The following PLXND1 variants were observed in gnomAD, a reference collection of about 807,000 sequenced individuals.
PLXND1 encodes the protein plexin D1.
PLXND1 carries 54 observed loss-of-function variants against 197.7 expected under a neutral mutation model. The observed-to-expected ratio is 0.27, with a 90% CI of 0.22 to 0.34. The LOEUF is 0.34. PLXND1 is among the 10% of genes least tolerant of loss of function. The pLI, the probability that PLXND1 is intolerant of heterozygous loss-of-function variation, is 1.00. For synonymous variants in PLXND1, 1,180 were observed against 1,161.2 expected (o/e 1.02, Z -0.33); for missense variants, 2,127 against 2,699.2 (o/e 0.79, Z 4.70).
At chr3:129,602,614 A>G (rs1184680844) in intron 1 of PLXND1, among the ~76,000 whole-genome samples, 1 of 152,176 alleles carries the variant, frequency 6.6e-6, no homozygotes, top group African/African-American at 2.4e-5. Flanking sequence ...CACAATAGGG[A>G]CTTAGTAAAT....
At position 129,606,193 on chromosome 3, in the gene PLXND1, C is replaced by T; in HGVS notation, c.447G>A (p.Gln149=). 6.4e-7 allele frequency: 1 copy of T among 1,562,876 alleles called. No individual in the cohort carries two copies. The highest frequency in any genetic ancestry group is 8.6e-7 in the Non-Finnish European group (1 of 1,160,676). Residue 149 remains glutamine, a synonymous_variant, in exon 1 of 36, where the codon CAG becomes CAA. Coordinates refer to ENST00000324093, the MANE Select transcript of PLXND1 (RefSeq NM_015103.3). ...CCGAGATGTTGCCCCGGCGCCGCAG[C>T]TGGCAGAAGCCCTGGTAGATGGACC... is the stretch of plus-strand genomic sequence containing the variant. The part of the protein sequence containing the change: ...VCGSIYQGFC[Q]LRRRGNISAV...
At chr3:129,605,278 C>CCCGCCCCCG (rs1355890913) in intron 1 of PLXND1, 51 bp downstream of exon 1, 1 of 736,570 alleles carries the variant, frequency 1.4e-6, no homozygotes, top group African/African-American at 1.9e-5. Context: ...CGCCCCCGCC[C>CCCGCCCCCG]CCGCCCCCGC....
chr3:129,570,996 C>G, intron 18 of PLXND1, 44 bp downstream of exon 18: 1 of 1,613,068 alleles, frequency 6.2e-7, no homozygotes, highest in South Asian at 1.1e-5. Context: ...ACAGCTGAGG[C>G]TGGCTCGCTT....
chr3:129,561,979 T>G, intron 27 of PLXND1, 76 bp from the exon 28 acceptor site: 2 of 923,526 alleles, frequency 2.2e-6, no homozygotes, highest in South Asian at 2.6e-5. Context: ...CCCAGCCACA[T>G]AGGGAGAGGC....
chr3:129,570,088 G>C, intron 19 of PLXND1, 131 bp from the exon 20 acceptor site: 1 of 651,222 alleles, frequency 1.5e-6, no homozygotes. Context: ...TGATAACATA[G>C]AGATAACAAT....
intron 1 of PLXND1, among the ~76,000 whole-genome samples, chr3:129,603,337 GCGGACCGTGGGAAC>G (rs1314284199): frequency 1.3e-5 from 2 of 152,238 alleles, no homozygotes; most frequent in African/African-American, 4.8e-5. Flanking sequence ...CACCGAGGGA[GCGGACCGTGGGAAC>G]CAGAATGGTT....
rs565925950 is a variant in PLXND1 at position 129,574,312 on chromosome 3, C to T, written c.2685+24G>A. On this transcript the variant is annotated intron_variant, in intron 12 of 35. Coordinates refer to ENST00000324093, the MANE Select transcript of PLXND1 (RefSeq NM_015103.3). ...GCGCCGTGCCGGAGTGCGGGTGCCA[C>T]GTGCCTCCACTGGGCATGCTTACCG... is the stretch of plus-strand genomic sequence containing the variant. 52 of 1,565,878 alleles carry T rather than the reference C, an allele frequency of 3.3e-5. No individual in the cohort carries two copies. In the East Asian group the frequency reaches 4.5e-4, roughly 14 times the overall value.
At position 129,584,417 on chromosome 3, in the gene PLXND1, C is replaced by T. The variant is rs561859042; in HGVS notation, c.1997G>A (p.Arg666Lys). 11 of 1,613,396 alleles carry T rather than the reference C, an allele frequency of 6.8e-6. No individual in the cohort carries two copies. In the South Asian group the frequency reaches 1.2e-4, roughly 18 times the overall value. The change falls in exon 6 of 36, where the codon AGG becomes AAG. Residue 666 changes from arginine to lysine, a missense_variant. By Grantham distance (26) the Arg-to-Lys change is conservative (BLOSUM62 2). Around this residue, in one of 6 missense-constraint regions of PLXND1, gnomAD observed 1,095 missense variants for 1,259.8 expected, o/e 0.87. Coordinates refer to ENST00000324093, the MANE Select transcript of PLXND1 (RefSeq NM_015103.3). ...GGGGGGGAAGGGCGGAAACTGGTCC[C>T]TCGGCAGGAGGTTGCAGTAGGCAAT... Reference protein sequence around the residue: ...HQIAYCNLLPRDQFPPFPPNQ... With the variant: ...HQIAYCNLLPKDQFPPFPPNQ...
rs2085004627 is a variant in PLXND1 at position 129,558,370 on chromosome 3, G to C, written c.5445+58C>G. The C allele has an allele frequency of 3.2e-6, 5 of 1,541,766 alleles. No individual in the cohort carries two copies. The East Asian group carries it at 1.1e-4, about 35-fold the overall frequency. On this transcript the variant is annotated intron_variant, in intron 33 of 35. Transcript: ENST00000324093. The surrounding 1 kb of genome is among the most constrained non-coding windows in gnomAD (Gnocchi z 4.1). ...CAGAGAGTCGAGGAGGCTACCCATG[G>C]TCGGCACCCCACTCTGGCCCTGTGC...
chr3:129,559,353 C>T (rs1035628149), intron 32 of PLXND1: 18 of 371,714 alleles, frequency 4.8e-5, no homozygotes, highest in Non-Finnish European at 7.7e-5. Flanking sequence ...GAGAGGGGTG[C>T]GGGAGAATGA....
chr3:129,565,000 C>T (rs530723347), intron 25 of PLXND1, among the ~76,000 whole-genome samples: 1 of 152,242 alleles, frequency 6.6e-6, no homozygotes, highest in Non-Finnish European at 1.5e-5. Flanking sequence ...GCTGGGAGAG[C>T]CTCAAGGGCC....
At chr3:129,565,251 A>G (rs1250679698) in intron 25 of PLXND1, 89 bp downstream of exon 25, 14 of 1,102,522 alleles carry the variant, frequency 1.3e-5, no homozygotes, top group Non-Finnish European at 1.9e-5. Flanking sequence ...TGAGGGTGCC[A>G]GGGAAGGCCT....
At position 129,605,284 on chromosome 3, in the gene PLXND1, C is replaced by CCCGCCGCCG. The variant is rs3832259; in HGVS notation, c.1311+36_1311+44dup. 334 of 784,040 alleles carry CCCGCCGCCG rather than the reference C, an allele frequency of 4.3e-4. 1 individual carries two copies. Among genetic ancestry groups the CCCGCCGCCG allele is most frequent in the African/African-American group, 3.9e-3 (197 of 50,216 alleles). 48.6% of individuals were successfully genotyped at this position (784,040 alleles called of 1,614,324 possible). On this transcript the variant is annotated intron_variant, in intron 1 of 35. Transcript: ENST00000324093. ...GTTCCCGCCCGCCCCCGCCCCCGCC[C>CCCGCCGCCG]CCGCCGCCGCCGCCGCCGCCGCCGC...
At chr3:129,599,956 A>G (rs982936212) in intron 1 of PLXND1, among the ~76,000 whole-genome samples, 3 of 152,236 alleles carry the variant, frequency 2.0e-5, no homozygotes, top group Non-Finnish European at 1.5e-5. Flanking sequence ...GCTGGGGATG[A>G]TGATGACGCA....
rs771719291 is a variant in PLXND1 at position 129,559,664 on chromosome 3, C to T, written c.5253G>A (p.Arg1751=). The stretch of plus-strand genomic sequence containing the variant: ...GTAGGGTGTCGGGGTCGGAGATTCC[C>T]CTCTTCTCAGCCTGCTCCTCCAGGA... ...FDFLEEQAEK[R]GISDPDTLHI... is the part of the protein sequence containing the mutation. The change falls in exon 32 of 36, where the codon AGG becomes AGA. Residue 1751 remains arginine, a synonymous_variant. Transcript: ENST00000324093. 6.8e-6 allele frequency: 11 copies of T among 1,611,754 alleles called. 1 individual carries two copies. The Admixed American group carries it at 1.0e-4, about 15-fold the overall frequency.
rs1018280669 is a variant in PLXND1, at chr3:129,557,324, T to C, written c.5446-101A>G. On this transcript the variant is annotated intron_variant, in intron 33 of 35. Transcript: ENST00000324093. The surrounding 1 kb of genome is among the most constrained non-coding windows in gnomAD (Gnocchi z 4.8). The stretch of plus-strand genomic sequence containing the variant: ...CATCCCTCCTGCCACATAAGTGACC[T>C]TAGCAGGCCCCCGAGGCCCAAAGAG... The C allele has an allele frequency of 1.5e-6, 2 of 1,368,552 alleles. No homozygotes were observed. The highest frequency in any genetic ancestry group is 2.0e-6 in the Non-Finnish European group (2 of 980,364). 84.8% of individuals were successfully genotyped at this position (1,368,552 alleles called of 1,614,324 possible).
At chr3:129,592,662 C>T (rs957063636) in intron 1 of PLXND1, among the ~76,000 whole-genome samples, 13 of 152,126 alleles carry the variant, frequency 8.5e-5, no homozygotes, top group African/African-American at 2.9e-4. Flanking sequence ...AATTCTGCAC[C>T]GAAGGAATTT....
chr3:129,602,419 C>T (rs766758329), intron 1 of PLXND1, among the ~76,000 whole-genome samples: 6 of 152,242 alleles, frequency 3.9e-5, no homozygotes, highest in Non-Finnish European at 7.3e-5. Context: ...CCTCACCTGG[C>T]TTCCTCCTGC....
chr3:129,561,293 G>T (rs2085055924), intron 29 of PLXND1, among the ~76,000 whole-genome samples: 1 of 152,188 alleles, frequency 6.6e-6, no homozygotes, highest in African/African-American at 2.4e-5. Context: ...GGCTGTGCCT[G>T]GGGCGTCTGA....
Sources: allele counts gnomAD v4.1 joint callset (sites outside exome capture counted in the v4.1 genomes callset), GRCh38; gene constraint gnomAD v4.1.1; regional missense constraint gnomAD v4.1.1; non-coding constraint Gnocchi (gnomAD v3.1); transcripts MANE v1.5; gene names NCBI Gene and HGNC (gene_info 2026-07-23, HGNC 2026-07-21).